Variants in NCKAP5 observed in about 807,000 individuals in gnomAD.
NCKAP5 encodes the protein nck-associated protein 5.
NCKAP5 carries 92 observed loss-of-function variants against 167.0 expected under a neutral mutation model. That is an observed-to-expected ratio of 0.55 (90% CI 0.47 to 0.66). The LOEUF (loss-of-function observed/expected upper bound fraction) is 0.66. Ranked by LOEUF, NCKAP5 falls within the 30% of genes least tolerant of loss-of-function variation. The probability of loss-of-function intolerance (pLI) is 0.00; values close to 1 mark genes in which losing one functional copy is unlikely to be tolerated. For missense variants in NCKAP5, 2,378 were observed against 2,315.0 expected, an observed-to-expected ratio of 1.03 and a Z score of -0.56; for synonymous variants, 891 against 877.4, an observed-to-expected ratio of 1.02 and a Z score of -0.27.
chr2:133,126,871 C>T (rs1035763465), intron 6 of NCKAP5, among the ~76,000 whole-genome samples: 1 of 152,032 alleles, frequency 6.6e-6, no homozygotes, highest in Non-Finnish European at 1.5e-5. Flanking sequence ...CTTTCATGAC[C>T]TTTATTTTGT....
intron 16 of NCKAP5, among the ~76,000 whole-genome samples, chr2:132,746,551 A>T (rs1315429888): frequency 6.6e-6 from 1 of 152,182 alleles, no homozygotes; most frequent in Non-Finnish European, 1.5e-5. Context: ...AATCAAAATT[A>T]AAAATTTTGT....
At chr2:132,749,938 CA>C (rs1383149285) in intron 16 of NCKAP5, among the ~76,000 whole-genome samples, 5 of 152,168 alleles carry the variant, frequency 3.3e-5, no homozygotes, top group African/African-American at 1.2e-4. Context: ...CCATGAGCCT[CA>C]CCACCTTTTA....
chr2:133,228,158 G>A (rs1334830265), intron 4 of NCKAP5, among the ~76,000 whole-genome samples: 1 of 152,200 alleles, frequency 6.6e-6, no homozygotes, highest in African/African-American at 2.4e-5. Flanking sequence ...AGTCTTAGAT[G>A]TGGTCCTGTC....
intron 3 of NCKAP5, among the ~76,000 whole-genome samples, chr2:133,320,527 G>C (rs1490059029): frequency 6.6e-6 from 1 of 152,144 alleles, no homozygotes; most frequent in Non-Finnish European, 1.5e-5. Context: ...AGGAGATCGA[G>C]ACCATCCTGG....
rs192145631 is a variant in NCKAP5, at chr2:132,707,562, A to G, written c.5713+18065T>C. On this transcript the variant is annotated intron_variant, in intron 19 of 19. Coordinates refer to ENST00000409261, the MANE Select transcript of NCKAP5 (RefSeq NM_207363.3). ...TGGAGTGCGTACATCACCCTCCCCC[A>G]ACCCCAGGACCAATGCCTTTCACTC... Among the ~76,000 whole-genome samples, 295 of 152,246 alleles carry G rather than the reference A, an allele frequency of 1.9e-3. 2 individuals are homozygous for G. Among genetic ancestry groups the G allele is most frequent in the African/African-American group, 6.7e-3 (280 of 41,568 alleles).
chr2:132,715,801 C>T (rs1689313357), intron 19 of NCKAP5, among the ~76,000 whole-genome samples: 1 of 152,206 alleles, frequency 6.6e-6, no homozygotes, highest in Non-Finnish European at 1.5e-5. Flanking sequence ...GTGATATTAA[C>T]CACCAAATTA....
At chr2:133,184,614 C>G (rs2084867366) in intron 5 of NCKAP5, among the ~76,000 whole-genome samples, 2 of 152,138 alleles carry the variant, frequency 1.3e-5, no homozygotes, top group African/African-American at 4.8e-5. Context: ...TTCTCAACAA[C>G]CCCTCCAACA....
intron 4 of NCKAP5, among the ~76,000 whole-genome samples, chr2:133,233,024 G>A (rs1486690137): frequency 6.6e-6 from 1 of 152,150 alleles, no homozygotes; most frequent in East Asian, 1.9e-4. Context: ...TCAACTGACT[G>A]GCTTCTGTGT....
intron 11 of NCKAP5, among the ~76,000 whole-genome samples, chr2:132,797,327 A>C (rs143391514): frequency 3.1e-4 from 47 of 152,318 alleles, no homozygotes; most frequent in African/African-American, 1.1e-3. Flanking sequence ...CTGTTCAATT[A>C]TATACTGAAT....
intron 3 of NCKAP5, among the ~76,000 whole-genome samples, chr2:133,489,871 G>A (rs1000873134): frequency 6.6e-6 from 1 of 152,138 alleles, no homozygotes; most frequent in Admixed American, 6.5e-5. Flanking sequence ...GAACACAAAG[G>A]TTCCAACTAA....
chr2:133,330,617 C>T (rs1262344028), intron 3 of NCKAP5, among the ~76,000 whole-genome samples: 2 of 152,092 alleles, frequency 1.3e-5, no homozygotes, highest in African/African-American at 4.8e-5. Context: ...GGGCCAGGCA[C>T]AGTGGCTCAT....
intron 3 of NCKAP5, among the ~76,000 whole-genome samples, chr2:133,390,948 T>C (rs1179615684): frequency 2.6e-5 from 4 of 152,238 alleles, no homozygotes; most frequent in African/African-American, 9.6e-5. Flanking sequence ...GGTAATATAC[T>C]CATTTTTATG....
intron 19 of NCKAP5, among the ~76,000 whole-genome samples, chr2:132,718,440 G>A (rs189449293): frequency 1.3e-5 from 2 of 152,276 alleles, no homozygotes; most frequent in East Asian, 3.9e-4. Flanking sequence ...TTCCCAATTT[G>A]GGACAGAGAC....
intron 5 of NCKAP5, among the ~76,000 whole-genome samples, chr2:133,210,409 C>T (rs1430762163): frequency 1.3e-5 from 2 of 151,976 alleles, no homozygotes; most frequent in Non-Finnish European, 2.9e-5. Context: ...GTAAAGACTG[C>T]TTACATAATT....
At chr2:132,772,927 T>C (rs1218597801) in intron 16 of NCKAP5, among the ~76,000 whole-genome samples, 1 of 151,920 alleles carries the variant, frequency 6.6e-6, no homozygotes, top group Non-Finnish European at 1.5e-5. Context: ...ATGCTCCCAG[T>C]GAAAGGAGAG....
At chr2:133,373,066 T>A (rs1685903960) in intron 3 of NCKAP5, among the ~76,000 whole-genome samples, 1 of 152,182 alleles carries the variant, frequency 6.6e-6, no homozygotes, top group East Asian at 1.9e-4. Flanking sequence ...TGTATCTTTT[T>A]TTGGATGGGG....
chr2:133,233,362 G>A (rs1347824608), intron 4 of NCKAP5, among the ~76,000 whole-genome samples: 1 of 152,074 alleles, frequency 6.6e-6, no homozygotes. Flanking sequence ...CATAAATAGT[G>A]TCTAACTCTA....
intron 6 of NCKAP5, among the ~76,000 whole-genome samples, chr2:133,112,775 G>A (rs2081958001): frequency 6.6e-6 from 1 of 152,142 alleles, no homozygotes; most frequent in Non-Finnish European, 1.5e-5. Flanking sequence ...ATTATTGTCA[G>A]AACTACCCTA....
At chr2:132,937,723 A>G (rs542638994) in intron 8 of NCKAP5, among the ~76,000 whole-genome samples, 20 of 152,358 alleles carry the variant, frequency 1.3e-4, no homozygotes, top group African/African-American at 3.1e-4. Flanking sequence ...GCAAAAATCA[A>G]TATTGGTCTG....
Sources: gnomAD v4.1 joint callset for allele counts (sites outside exome capture counted in the v4.1 genomes callset) on GRCh38, gnomAD v4.1.1 for gene constraint, MANE v1.5 for transcripts, NCBI Gene and HGNC (gene_info 2026-07-23, HGNC 2026-07-21) for gene names.